LRRC7: variants seen among roughly 807,000 people sequenced by gnomAD.
LRRC7 encodes leucine-rich repeat-containing protein 7.
LRRC7 carries 23 observed loss-of-function variants against 175.7 expected under a neutral mutation model. The observed-to-expected ratio is 0.13, with a 90% CI of 0.09 to 0.19. The LOEUF (loss-of-function observed/expected upper bound fraction) is 0.19. LRRC7 is among the 10% of genes least tolerant of loss of function. LRRC7 has a pLI of 1.00. For synonymous variants in LRRC7, 685 were observed against 680.9 expected (o/e 1.01, Z -0.09); for missense variants, 1,354 against 1,904.7 (o/e 0.71, Z 5.38).
At position 69,619,244 on chromosome 1, in the gene LRRC7, T is replaced by C. The variant is rs1313185616; in HGVS notation, c.2+50603T>C. Among the ~76,000 whole-genome samples the C allele has an allele frequency of 2.6e-5, 4 of 152,178 alleles. No individual in the cohort carries two copies. In the East Asian group the frequency reaches 7.7e-4, roughly 29 times the overall value. On this transcript the variant is annotated intron_variant, in intron 1 of 26. Coordinates refer to ENST00000651989, the MANE Select transcript of LRRC7 (RefSeq NM_001370785.2). Reference sequence around the variant, plus strand: ...GATCAAAACTATTTTCTCAATAATATTTGAACATTATATGTCTTTTTCAGT... The same window carrying C: ...GATCAAAACTATTTTCTCAATAATACTTGAACATTATATGTCTTTTTCAGT...
chr1:69,825,720 C>T, intron 4 of LRRC7, 28 bp from the exon 5 acceptor site: 1 of 1,418,984 alleles, frequency 7.0e-7, no homozygotes, highest in Non-Finnish European at 9.8e-7. Flanking sequence ...GGAACATTTT[C>T]ATGTACTTTG....
At chr1:70,087,950 G>A (rs529401098) in intron 24 of LRRC7, among the ~76,000 whole-genome samples, 145 of 152,222 alleles carry the variant, frequency 9.5e-4, no homozygotes, top group African/African-American at 3.2e-3. Context: ...GTCAGAAATA[G>A]GACTCAGTTT....
chr1:69,972,785 A>G (rs1216402433), intron 8 of LRRC7, among the ~76,000 whole-genome samples: 1 of 151,942 alleles, frequency 6.6e-6, no homozygotes, highest in African/African-American at 2.4e-5. Flanking sequence ...CCCAGAAGAA[A>G]AGAAGTCATT....
intron 2 of LRRC7, among the ~76,000 whole-genome samples, chr1:69,680,382 A>C (rs1319278400): frequency 1.3e-5 from 2 of 152,122 alleles, no homozygotes; most frequent in Non-Finnish European, 2.9e-5. Flanking sequence ...CTCTAATATA[A>C]AGTATGTATG....
intron 8 of LRRC7, among the ~76,000 whole-genome samples, chr1:69,949,844 A>T (rs992453041): frequency 2.0e-5 from 3 of 152,118 alleles, no homozygotes; most frequent in South Asian, 2.1e-4. Flanking sequence ...GGTACTCATT[A>T]AAAAAGCCAA....
At chr1:69,961,432 T>A (rs1257804357) in intron 8 of LRRC7, among the ~76,000 whole-genome samples, 1 of 152,176 alleles carries the variant, frequency 6.6e-6, no homozygotes, top group African/African-American at 2.4e-5. Context: ...GATTCAATGC[T>A]CTTCCCATTA....
intron 4 of LRRC7, among the ~76,000 whole-genome samples, chr1:69,807,675 C>A (rs1677295345): frequency 6.6e-6 from 1 of 152,136 alleles, no homozygotes; most frequent in African/African-American, 2.4e-5. Context: ...CACTGTTAGT[C>A]TGATGGGCTT....
At position 69,718,086 on chromosome 1, in the gene LRRC7, AAAAG is replaced by A. The variant is rs1202851348; in HGVS notation, c.100+39614_100+39617del. 1.6e-4 allele frequency among the ~76,000 whole-genome samples: 19 copies of A among 118,278 alleles called. No individual in the cohort carries two copies. In the East Asian group the frequency reaches 2.2e-3, roughly 13 times the overall value. 77.6% of individuals were successfully genotyped at this position (118,278 alleles called of 152,430 possible). A position where few individuals can be genotyped will look rare whatever the true frequency, so the allele number is the denominator to read the frequency against. ...AAATAAGAGAAAGAGAAGAGAGAGA[AAAAG>A]AAAGAGAAGAAAGAGAGAAAAAGAA... On this transcript the variant is annotated intron_variant, in intron 2 of 26. Coordinates refer to ENST00000651989, the MANE Select transcript of LRRC7 (RefSeq NM_001370785.2).
intron 11 of LRRC7, among the ~76,000 whole-genome samples, chr1:70,000,713 C>G (rs1655442728): frequency 6.6e-6 from 1 of 152,160 alleles, no homozygotes; most frequent in African/African-American, 2.4e-5. Context: ...TACTTCACAT[C>G]CTCTAGGTCC....
intron 7 of LRRC7, among the ~76,000 whole-genome samples, chr1:69,896,882 C>T (rs1205833452): frequency 6.6e-6 from 1 of 152,068 alleles, no homozygotes; most frequent in Admixed American, 6.6e-5. Flanking sequence ...GTTGCTTATG[C>T]TTCTGCTCAA....
chr1:69,950,787 G>T (rs2101821267), intron 8 of LRRC7, among the ~76,000 whole-genome samples: 1 of 152,106 alleles, frequency 6.6e-6, no homozygotes, highest in African/African-American at 2.4e-5. Context: ...AAAAAATAAA[G>T]AACTGAAAGA....
chr1:69,904,706 T>C (rs1646242266), intron 7 of LRRC7, among the ~76,000 whole-genome samples: 1 of 152,164 alleles, frequency 6.6e-6, no homozygotes. Context: ...GGGGTACATG[T>C]GCAGGTTTGT....
At chr1:69,958,034 CTATA>C (rs1202554018) in intron 8 of LRRC7, among the ~76,000 whole-genome samples, 2 of 151,810 alleles carry the variant, frequency 1.3e-5, no homozygotes, top group Admixed American at 1.3e-4. Flanking sequence ...ACTGTAGAAA[CTATA>C]TAATTTACTA....
chr1:69,612,121 A>G (rs1290246189), intron 1 of LRRC7, among the ~76,000 whole-genome samples: 1 of 152,046 alleles, frequency 6.6e-6, no homozygotes, highest in African/African-American at 2.4e-5. Context: ...ATGCTACCCT[A>G]ATATCATTGA....
intron 1 of LRRC7, among the ~76,000 whole-genome samples, chr1:69,655,215 GT>G: frequency 6.6e-6 from 1 of 152,170 alleles, no homozygotes; most frequent in Admixed American, 6.6e-5. Context: ...TACTAAGACA[GT>G]TGATAAGTTA....
chr1:69,960,210 G>T (rs536854189), intron 8 of LRRC7, among the ~76,000 whole-genome samples: 5 of 152,072 alleles, frequency 3.3e-5, no homozygotes, highest in Admixed American at 2.6e-4. Context: ...GTTCAGTCTT[G>T]GGGGATGGTG....
intron 7 of LRRC7, among the ~76,000 whole-genome samples, chr1:69,911,241 T>C (rs1372832974): frequency 2.0e-5 from 3 of 152,234 alleles, no homozygotes; most frequent in African/African-American, 7.2e-5. Context: ...CCTAGTGAGA[T>C]GAACCCAGTA....
chr1:69,587,328 T>G (rs1646442674), intron 1 of LRRC7, among the ~76,000 whole-genome samples: 1 of 152,198 alleles, frequency 6.6e-6, no homozygotes, highest in South Asian at 2.1e-4. Flanking sequence ...AGTTCAGGAC[T>G]CTTTAATGTC....
rs1238809622 is a variant in LRRC7, at chr1:70,011,871, A to G, written c.1079A>G (p.His360Arg). ...CTACCTTCTACTATTGGCTACCTTC[A>G]TAGTCTTCGGACATTAGCAGTTGAT... ...ESLPSTIGYL[H>R]SLRTLAVDEN... is the part of the protein sequence containing the mutation. Residue 360 changes from histidine (H) to arginine (R), a missense_variant, in exon 12 of 27, where the codon CAT (histidine) becomes CGT (arginine). Physicochemically the swap from His to Arg is conservative, Grantham distance 29. This residue lies in a region of LRRC7 where 201 missense variants were observed against 481.4 expected (regional missense o/e 0.42). Transcript: ENST00000651989. The G allele has an allele frequency of 6.2e-7, 1 of 1,601,044 alleles. No homozygotes were observed. Among genetic ancestry groups the G allele is most frequent in the Non-Finnish European group, 8.6e-7 (1 of 1,168,702 alleles).
Sources: gnomAD v4.1 joint callset for allele counts (sites outside exome capture counted in the v4.1 genomes callset) on GRCh38, gnomAD v4.1.1 for gene constraint, gnomAD v4.1.1 regional missense constraint, MANE v1.5 for transcripts, NCBI Gene and HGNC (gene_info 2026-07-23, HGNC 2026-07-21) for gene names.